NMNAT2: variants seen among roughly 807,000 people sequenced by gnomAD.
NMNAT2 encodes the protein nicotinamide/nicotinic acid mononucleotide adenylyltransferase 2.
In NMNAT2, 11 loss-of-function variants were observed where a neutral mutation model predicts 41.6. That is an observed-to-expected ratio of 0.26 (90% CI 0.17 to 0.44). NMNAT2 has a LOEUF of 0.44. Ranked by LOEUF, NMNAT2 falls within the 20% of genes least tolerant of loss-of-function variation. The pLI is 1.00. For synonymous variants in NMNAT2, 148 were observed against 151.2 expected, an observed-to-expected ratio of 0.98 and a Z score of 0.16; for missense variants, 288 against 407.7, an observed-to-expected ratio of 0.71 and a Z score of 2.53.
intron 1 of NMNAT2, among the ~76,000 whole-genome samples, chr1:183,364,884 G>C (rs1663384369): frequency 1.3e-5 from 2 of 152,000 alleles, no homozygotes; most frequent in Non-Finnish European, 2.9e-5. Flanking sequence ...GTAGAGACAG[G>C]GTTTCACTAT....
intron 1 of NMNAT2, among the ~76,000 whole-genome samples, chr1:183,334,099 C>T (rs528165121): frequency 2.6e-5 from 4 of 152,350 alleles, no homozygotes; most frequent in African/African-American, 9.6e-5. Flanking sequence ...GTGTCTTGCT[C>T]TGTCACTTAG....
intron 1 of NMNAT2, among the ~76,000 whole-genome samples, chr1:183,339,811 G>A (rs1242793040): frequency 2.0e-5 from 3 of 152,126 alleles, no homozygotes; most frequent in East Asian, 3.9e-4. Context: ...TTTTATCTCT[G>A]CCTTCTGAGT....
chr1:183,341,731 A>AAAAAAAAACAAC (rs1662813934), intron 1 of NMNAT2, among the ~76,000 whole-genome samples: 11 of 138,108 alleles, frequency 8.0e-5, no homozygotes, highest in Admixed American at 7.3e-5. Flanking sequence ...ACACCAAAAA[A>AAAAAAAAACAAC]AAAAAAAAAA....
At position 183,327,058 on chromosome 1, in the gene NMNAT2, G is replaced by GTATGTATGTATT. The variant is rs141051191; in HGVS notation, c.86-33266_86-33265insAATACATACATA. 8.9e-3 allele frequency among the ~76,000 whole-genome samples: 1,336 copies of GTATGTATGTATT among 150,926 alleles called. 9 individuals carry two copies. Among genetic ancestry groups the GTATGTATGTATT allele is most frequent in the Non-Finnish European group, 0.01 (708 of 67,720 alleles). On this transcript the variant is annotated intron_variant, in intron 1 of 10. Coordinates refer to ENST00000287713, the MANE Select transcript of NMNAT2 (RefSeq NM_015039.4). ...TGTATGTATGTATGTATGTATGTAT[G>GTATGTATGTATT]TATTTATTTTTGAGACAGAGCTCAC...
intron 1 of NMNAT2, among the ~76,000 whole-genome samples, chr1:183,341,960 AG>A (rs1662826938): frequency 6.7e-6 from 1 of 150,268 alleles, no homozygotes; most frequent in Non-Finnish European, 1.5e-5. Context: ...CTATGAATTG[AG>A]GGGGAAGTTT....
intron 2 of NMNAT2, 136 bp downstream of exon 2, chr1:183,293,569 C>T (rs1184283360): frequency 1.2e-5 from 8 of 690,764 alleles, no homozygotes; most frequent in African/African-American, 3.5e-5. Flanking sequence ...GCAGGATAGA[C>T]GCATGGACCT....
At chr1:183,312,686 A>AGGCCTG (rs1557875130) in intron 1 of NMNAT2, among the ~76,000 whole-genome samples, 2 of 152,160 alleles carry the variant, frequency 1.3e-5, no homozygotes, top group Non-Finnish European at 2.9e-5. Flanking sequence ...AGGATTTTCC[A>AGGCCTG]AGTATCCCTC....
intron 1 of NMNAT2, among the ~76,000 whole-genome samples, chr1:183,396,263 T>C (rs1648647142): frequency 6.6e-6 from 1 of 152,122 alleles, no homozygotes; most frequent in Non-Finnish European, 1.5e-5. Flanking sequence ...AGGAGAGGTC[T>C]CCCCTGCCCT....
At chr1:183,317,560 C>T (rs756160286) in intron 1 of NMNAT2, among the ~76,000 whole-genome samples, 5 of 152,250 alleles carry the variant, frequency 3.3e-5, no homozygotes, top group Non-Finnish European at 1.5e-5. Context: ...GCATGAGCCA[C>T]CATGCCTGGC....
At chr1:183,401,187 G>C (rs1262108522) in intron 1 of NMNAT2, among the ~76,000 whole-genome samples, 1 of 152,112 alleles carries the variant, frequency 6.6e-6, no homozygotes, top group Non-Finnish European at 1.5e-5. Flanking sequence ...CTAATATCCA[G>C]AATCTACAAA....
At position 183,332,832 on chromosome 1, in the gene NMNAT2, G is replaced by A. The variant is rs75320716; in HGVS notation, c.86-39039C>T. 1.2e-3 allele frequency among the ~76,000 whole-genome samples: 180 copies of A among 152,300 alleles called. 2 individuals are homozygous for A. In the East Asian group the frequency reaches 0.027, roughly 23 times the overall value. On this transcript the variant is annotated intron_variant, in intron 1 of 10. Coordinates refer to ENST00000287713, the MANE Select transcript of NMNAT2 (RefSeq NM_015039.4). ...GGAAATTCTCAGCCTCGCCCAGGTCGGGGTGCACTGCCCTCTCACCCTCCC... is the reference window on the plus strand; with the variant it reads ...GGAAATTCTCAGCCTCGCCCAGGTCAGGGTGCACTGCCCTCTCACCCTCCC...
chr1:183,331,528 C>T (rs574276847), intron 1 of NMNAT2, among the ~76,000 whole-genome samples: 2 of 152,342 alleles, frequency 1.3e-5, no homozygotes, highest in East Asian at 3.9e-4. Flanking sequence ...AACACCTTTT[C>T]TTCCTACATG....
chr1:183,401,721 A>G (rs994220855), intron 1 of NMNAT2, among the ~76,000 whole-genome samples: 2 of 152,178 alleles, frequency 1.3e-5, no homozygotes, highest in Admixed American at 6.5e-5. Flanking sequence ...TACACCATGG[A>G]ATACTATGCA....
At chr1:183,288,790 T>C (rs984500024) in intron 4 of NMNAT2, among the ~76,000 whole-genome samples, 1 of 152,232 alleles carries the variant, frequency 6.6e-6, no homozygotes, top group African/African-American at 2.4e-5. Flanking sequence ...TCTTTGCCTA[T>C]CCTGACTGAT....
At chr1:183,332,847 C>A (rs1453730554) in intron 1 of NMNAT2, among the ~76,000 whole-genome samples, 1 of 152,232 alleles carries the variant, frequency 6.6e-6, no homozygotes. Context: ...GCACTGCCCT[C>A]TCACCCTCCC....
intron 8 of NMNAT2, among the ~76,000 whole-genome samples, chr1:183,265,575 T>C (rs1660792314): frequency 6.6e-6 from 1 of 152,160 alleles, no homozygotes; most frequent in Non-Finnish European, 1.5e-5. Context: ...GAAATTCTCT[T>C]CTTATAATTG....
chr1:183,346,139 C>T (rs1285417781), intron 1 of NMNAT2, among the ~76,000 whole-genome samples: 3 of 152,154 alleles, frequency 2.0e-5, no homozygotes, highest in Admixed American at 6.5e-5. Flanking sequence ...GGGTTCTCCT[C>T]GCCTTTCAGC....
intron 1 of NMNAT2, among the ~76,000 whole-genome samples, chr1:183,386,651 A>G (rs888591033): frequency 6.6e-6 from 1 of 152,198 alleles, no homozygotes; most frequent in East Asian, 1.9e-4. Flanking sequence ...AGTTGAGGTC[A>G]TACTATCTTT....
chr1:183,344,420 C>T (rs1418919917), intron 1 of NMNAT2, among the ~76,000 whole-genome samples: 1 of 152,162 alleles, frequency 6.6e-6, no homozygotes, highest in Non-Finnish European at 1.5e-5. Flanking sequence ...TTTGTATATA[C>T]CCCATGATAG....
Sources: gnomAD v4.1 joint callset for allele counts (sites outside exome capture counted in the v4.1 genomes callset) on GRCh38, gnomAD v4.1.1 for gene constraint, MANE v1.5 for transcripts, NCBI Gene and HGNC (gene_info 2026-07-23, HGNC 2026-07-21) for gene names.